DUSP29: variants seen among roughly 807,000 people sequenced by gnomAD.
The protein encoded by DUSP29 is atypical dual-specific protein phosphatase.
Under a neutral mutation model 13.5 loss-of-function variants are expected in DUSP29, and 12 were observed. The observed-to-expected ratio is 0.89, with a 90% CI of 0.57 to 1.44. The LOEUF (loss-of-function observed/expected upper bound fraction) is 1.44. Ranked by LOEUF, DUSP29 falls within the 40% of genes most tolerant of loss-of-function variation. The pLI, the probability that DUSP29 is intolerant of heterozygous loss-of-function variation, is 0.00. For missense variants in DUSP29, 308 were observed against 301.1 expected (o/e 1.02, Z -0.17); for synonymous variants, 134 against 128.7 (o/e 1.04, Z -0.28).
intron 3 of DUSP29, 21 bp downstream of exon 3, chr10:75,043,776 G>C (rs778187239): frequency 6.2e-6 from 10 of 1,602,244 alleles, no homozygotes; most frequent in Non-Finnish European, 8.5e-6. Context: ...GCCGATCGGG[G>C]CGGGGCCGCG....
At chr10:75,057,537 A>G (rs1254222555) in intron 2 of DUSP29, among the ~76,000 whole-genome samples, 1 of 152,206 alleles carries the variant, frequency 6.6e-6, no homozygotes, top group African/African-American at 2.4e-5. Context: ...GGGAGTAATT[A>G]GCCTCTATCA....
chr10:75,041,302 A>C (rs1380050493), intron 3 of DUSP29, among the ~76,000 whole-genome samples: 1 of 152,162 alleles, frequency 6.6e-6, no homozygotes, highest in African/African-American at 2.4e-5. Context: ...CCTGATGGCC[A>C]TTGGGTTGCT....
At chr10:75,049,892 G>C (rs1846790375) in intron 2 of DUSP29, among the ~76,000 whole-genome samples, 1 of 152,002 alleles carries the variant, frequency 6.6e-6, no homozygotes, top group Non-Finnish European at 1.5e-5. Flanking sequence ...TGGAAAGCCA[G>C]CTTGGGCTGG....
intron 1 of DUSP29, among the ~76,000 whole-genome samples, chr10:75,066,787 GC>G (rs544364282): frequency 2.0e-5 from 3 of 152,056 alleles, no homozygotes; most frequent in African/African-American, 7.2e-5. Flanking sequence ...TCAAGTGGGA[GC>G]CCCCCGAAGG....
intron 3 of DUSP29, among the ~76,000 whole-genome samples, chr10:75,042,833 T>C (rs547369956): frequency 8.5e-5 from 13 of 152,354 alleles, no homozygotes; most frequent in African/African-American, 3.1e-4. Context: ...TACCCTGAAT[T>C]ATGTGATGGC....
intron 2 of DUSP29, among the ~76,000 whole-genome samples, chr10:75,057,092 A>G (rs974873906): frequency 6.6e-6 from 1 of 152,120 alleles, no homozygotes; most frequent in Admixed American, 6.5e-5. Context: ...CCTGGCCAAC[A>G]TGGTGAAACC....
At chr10:75,068,954 C>T (rs1847262331) in intron 1 of DUSP29, among the ~76,000 whole-genome samples, 1 of 151,724 alleles carries the variant, frequency 6.6e-6, no homozygotes, top group Admixed American at 6.6e-5. Context: ...AGACATATTC[C>T]AAGTTTAACA....
intron 1 of DUSP29, among the ~76,000 whole-genome samples, chr10:75,071,399 T>A (rs1483178728): frequency 6.6e-6 from 1 of 152,110 alleles, no homozygotes; most frequent in Non-Finnish European, 1.5e-5. Context: ...CAACTGGGCC[T>A]CCCTGGGGCT....
At chr10:75,067,797 T>C (rs1279941484) in intron 1 of DUSP29, among the ~76,000 whole-genome samples, 1 of 151,854 alleles carries the variant, frequency 6.6e-6, no homozygotes, top group African/African-American at 2.4e-5. Context: ...CCTGTCTCTA[T>C]AAGAAAATAT....
At chr10:75,043,658 A>G (rs72642258) in intron 3 of DUSP29, 139 bp downstream of exon 3, 90,571 of 848,194 alleles carry the variant, frequency 0.11, 13,449 homozygotes, top group African/African-American at 0.57. Context: ...CAGACGGGGA[A>G]ACCTTGGGCT....
chr10:75,041,128 C>G (rs1846572637), intron 3 of DUSP29, among the ~76,000 whole-genome samples: 1 of 152,116 alleles, frequency 6.6e-6, no homozygotes, highest in Admixed American at 6.5e-5. Flanking sequence ...ACAAGTAGGT[C>G]CAGCACTAAA....
chr10:75,058,280 C>A, intron 2 of DUSP29, 35 bp downstream of exon 2: 1 of 1,591,578 alleles, frequency 6.3e-7, no homozygotes, highest in Admixed American at 1.7e-5. Flanking sequence ...GGGGCTGCTG[C>A]CTGCTCCCAA....
intron 1 of DUSP29, among the ~76,000 whole-genome samples, chr10:75,059,486 A>G (rs1214289639): frequency 2.6e-5 from 4 of 152,168 alleles, no homozygotes; most frequent in African/African-American, 7.2e-5. Flanking sequence ...CTTATATAAC[A>G]CCTATTGTGT....
intron 3 of DUSP29, among the ~76,000 whole-genome samples, chr10:75,042,910 T>C (rs1215274754): frequency 6.6e-6 from 1 of 152,278 alleles, no homozygotes; most frequent in Admixed American, 6.5e-5. Flanking sequence ...GAAGTCCCTC[T>C]GGCCTCTGTG....
intron 2 of DUSP29, among the ~76,000 whole-genome samples, chr10:75,051,547 C>T (rs971683649): frequency 2.6e-5 from 4 of 152,130 alleles, no homozygotes; most frequent in Non-Finnish European, 4.4e-5. Flanking sequence ...AAGTATGCCC[C>T]GCTGCAGGCC....
chr10:75,059,004 A>G (rs1847029743), intron 1 of DUSP29, among the ~76,000 whole-genome samples: 1 of 152,210 alleles, frequency 6.6e-6, no homozygotes, highest in Non-Finnish European at 1.5e-5. Context: ...GCCGTCAGCC[A>G]GTGGAAAGAG....
intron 2 of DUSP29, among the ~76,000 whole-genome samples, chr10:75,050,615 C>A (rs1203278045): frequency 6.6e-6 from 1 of 152,198 alleles, no homozygotes; most frequent in Non-Finnish European, 1.5e-5. Context: ...CAAAGGCCAC[C>A]CATAGTTGGT....
At chr10:75,050,689 C>T (rs945901005) in intron 2 of DUSP29, among the ~76,000 whole-genome samples, 3 of 152,372 alleles carry the variant, frequency 2.0e-5, no homozygotes, top group Admixed American at 6.5e-5. Flanking sequence ...CTCCGCTCCA[C>T]GCTGAGCCTG....
intron 2 of DUSP29, among the ~76,000 whole-genome samples, chr10:75,054,987 A>G (rs1395800370): frequency 6.6e-6 from 1 of 152,030 alleles, no homozygotes; most frequent in Non-Finnish European, 1.5e-5. Flanking sequence ...CTATAGGTAC[A>G]TGCCACCAAG....
Sources: gnomAD v4.1 joint callset for allele counts (sites outside exome capture counted in the v4.1 genomes callset) on GRCh38, gnomAD v4.1.1 for gene constraint, MANE v1.5 for transcripts, NCBI Gene and HGNC (gene_info 2026-07-23, HGNC 2026-07-21) for gene names.